BIN2: variants seen among roughly 807,000 people sequenced by gnomAD.
BIN2 encodes the protein breast cancer associated protein BRAP1.
A neutral mutation model predicts 67.9 loss-of-function variants in BIN2; 43 were observed. The ratio of observed to expected loss-of-function variants is 0.63; its 90% CI spans 0.50 to 0.82. The LOEUF (loss-of-function observed/expected upper bound fraction) is 0.82. Ranked by LOEUF, BIN2 falls within the 40% of genes least tolerant of loss-of-function variation. BIN2 has a pLI of 0.00. For missense variants in BIN2, 581 were observed against 671.6 expected, an observed-to-expected ratio of 0.87 and a Z score of 1.49; for synonymous variants, 244 against 246.8, an observed-to-expected ratio of 0.99 and a Z score of 0.11.
At chr12:51,314,022 T>A (rs1025252993) in intron 1 of BIN2, 119 bp from the exon 2 acceptor site, 2 of 47,324 alleles carry the variant, frequency 4.2e-5, no homozygotes, top group South Asian at 2.5e-3. Flanking sequence ...CTGTACTTAT[T>A]TATTTATTTA....
chr12:51,295,824 TA>T lies in BIN2; in HGVS notation c.732del (p.Asn244LysfsTer6), dbSNP rs768129226. The T allele has an allele frequency of 6.2e-7, 1 of 1,613,352 alleles. No homozygotes were observed. Among genetic ancestry groups the T allele is most frequent in the South Asian group, 1.1e-5 (1 of 91,040 alleles). On this transcript the variant is annotated frameshift_variant, in exon 9 of 13. Transcript: ENST00000615107. LOFTEE classifies it high-confidence loss of function. ...VMSKLEKQHS[N>X]KVFVVKGLSS... The stretch of plus-strand genomic sequence containing the variant: ...GACAGTCCCTTCACCACAAAGACTT[TA>T]TTGGAATGTTGCTTCTCCAGTTTGC...
At chr12:51,285,905 C>A (rs1339493904) in intron 11 of BIN2, among the ~76,000 whole-genome samples, 1 of 152,136 alleles carries the variant, frequency 6.6e-6, no homozygotes. Context: ...AGCCATGGCA[C>A]CTGGCCAACA....
chr12:51,302,741 T>C lies in BIN2; in HGVS notation c.257A>G (p.Gln86Arg). Reference sequence around the variant, plus strand: ...GTCCCACTCGCTGCTGTAGATCTCCTGCAGGGTTTCTGACACTCTTTTTGA... The same window carrying C: ...GTCCCACTCGCTGCTGTAGATCTCCCGCAGGGTTTCTGACACTCTTTTTGA... Reference protein sequence around the residue: ...ESSKRVSETLQEIYSSEWDGH... With the variant: ...ESSKRVSETLREIYSSEWDGH... Residue 86 changes from glutamine to arginine, a missense_variant, in exon 4 of 13, where the codon CAG becomes CGG. Physicochemically the swap from Gln to Arg is conservative, Grantham distance 43 (BLOSUM62 1). Transcript: ENST00000615107. The C allele has an allele frequency of 6.2e-7, 1 of 1,614,152 alleles. No individual in the cohort carries two copies. Among genetic ancestry groups the C allele is most frequent in the Non-Finnish European group, 8.5e-7 (1 of 1,179,964 alleles).
At chr12:51,307,007 G>A (rs761185497) in intron 2 of BIN2, among the ~76,000 whole-genome samples, 16 of 152,206 alleles carry the variant, frequency 1.1e-4, no homozygotes, top group Non-Finnish European at 1.9e-4. Flanking sequence ...AGGCTTGGCC[G>A]GGCACAGTGA....
chr12:51,320,796 T>C (rs1946250671), intron 1 of BIN2, among the ~76,000 whole-genome samples: 2 of 151,732 alleles, frequency 1.3e-5, no homozygotes, highest in Non-Finnish European at 1.5e-5. Flanking sequence ...TGAGTAGATG[T>C]CAACAGAGGA....
chr12:51,302,828 T>G (rs370511380), intron 3 of BIN2, 48 bp from the exon 4 acceptor site: 17 of 1,503,528 alleles, frequency 1.1e-5, no homozygotes, highest in Admixed American at 3.3e-5. Context: ...CCAACAGTAG[T>G]TGGTGTAATC....
intron 1 of BIN2, among the ~76,000 whole-genome samples, chr12:51,320,329 T>C (rs1946239112): frequency 6.6e-6 from 1 of 152,176 alleles, no homozygotes; most frequent in African/African-American, 2.4e-5. Flanking sequence ...CGGAAATCTT[T>C]ATTTTTAGGA....
Position 51,288,200 on chromosome 12 carries a change from A to G in BIN2, c.1516-12T>C, listed in dbSNP as rs1945290482. Reference sequence around the variant, plus strand: ...GGCTCTGAAGCAACCTGTGAATCAAAGTGAACAATGGAGGAGAGAGTCCCA... The same window carrying G: ...GGCTCTGAAGCAACCTGTGAATCAAGGTGAACAATGGAGGAGAGAGTCCCA... On this transcript the variant is annotated splice_polypyrimidine_tract_variant and intron_variant, in intron 10 of 12. Transcript: ENST00000615107. 1 of 1,611,980 alleles carries G rather than the reference A, an allele frequency of 6.2e-7. No individual in the cohort carries two copies. The highest frequency in any genetic ancestry group is 1.3e-5 in the African/African-American group (1 of 74,868).
In BIN2 at chr12:51,299,651, C is replaced by A; in HGVS notation, c.472G>T (p.Ala158Ser). The A allele has an allele frequency of 6.2e-7, 1 of 1,614,114 alleles. No individual in the cohort carries two copies. The highest frequency in any genetic ancestry group is 8.5e-7 in the Non-Finnish European group (1 of 1,180,032). The change falls in exon 6 of 13, where the codon GCA (alanine) becomes TCA (serine). Residue 158 changes from alanine (A) to serine (S), a missense_variant. Ala to Ser is a moderately conservative substitution (Grantham distance 99). Transcript: ENST00000615107. ...TCTTTCTTCTTGGCATTCTGCACTG[C>A]CTCCAGGTGGTGTCGGGCACTGTCA... The part of the protein sequence containing the change: ...DYDSARHHLE[A>S]VQNAKKKDEA...
At chr12:51,297,653 G>A (rs1411494586) in intron 7 of BIN2, among the ~76,000 whole-genome samples, 2 of 152,272 alleles carry the variant, frequency 1.3e-5, no homozygotes, top group East Asian at 1.9e-4. Context: ...AGGAACACAC[G>A]TGATTCTTAG....
chr12:51,296,878 T>G (rs73111045), intron 8 of BIN2, among the ~76,000 whole-genome samples: 1,592 of 152,304 alleles, frequency 0.01, 12 homozygotes, highest in Non-Finnish European at 0.016. Context: ...CTTACTCAGT[T>G]GTTAAGGGAG....
chr12:51,282,579 G>C (rs1945141162), intron 12 of BIN2, among the ~76,000 whole-genome samples: 1 of 152,000 alleles, frequency 6.6e-6, no homozygotes, highest in Non-Finnish European at 1.5e-5. Flanking sequence ...AATATACTAT[G>C]CTTTTAAAAA....
chr12:51,301,295 C>T (rs1206617418), intron 5 of BIN2, among the ~76,000 whole-genome samples: 1 of 152,062 alleles, frequency 6.6e-6, no homozygotes, highest in Non-Finnish European at 1.5e-5. Context: ...CTTTCTGGAA[C>T]AGAAAGCAGA....
chr12:51,301,945 T>C (rs1266111303), intron 5 of BIN2, 75 bp downstream of exon 5: 15 of 1,032,374 alleles, frequency 1.5e-5, no homozygotes, highest in Non-Finnish European at 2.3e-5. Context: ...ATTCTACTTA[T>C]AATGCTTAAC....
chr12:51,324,390 C>T, upstream of BIN2: 1 of 1,325,984 alleles, frequency 7.5e-7, no homozygotes, highest in Non-Finnish European at 9.9e-7. Context: ...TGAACCAGGT[C>T]CTCAGTGGTG....
upstream of BIN2, chr12:51,324,393 C>T (rs1946377917): frequency 2.2e-6 from 3 of 1,337,642 alleles, no homozygotes; most frequent in Non-Finnish European, 2.0e-6. Context: ...ACCAGGTCCT[C>T]AGTGGTGGGC....
chr12:51,292,413 C>T (rs1945413063), intron 9 of BIN2, 69 bp from the exon 10 acceptor site: 11 of 1,411,626 alleles, frequency 7.8e-6, no homozygotes, highest in East Asian at 6.9e-5. Flanking sequence ...GCAAAACTTA[C>T]GATGCATGTA....
chr12:51,303,491 C>T (rs905267234), intron 2 of BIN2, among the ~76,000 whole-genome samples: 2 of 152,148 alleles, frequency 1.3e-5, no homozygotes, highest in African/African-American at 4.8e-5. Context: ...AAAGTGCTAC[C>T]ATTTTCTGCA....
At chr12:51,322,672 C>T (rs754630822) in intron 1 of BIN2, 5 of 151,710 alleles carry the variant, frequency 3.3e-5, no homozygotes, top group African/African-American at 9.7e-5. Flanking sequence ...CACACTGTTT[C>T]GAGCTAGACC....
Sources: allele counts gnomAD v4.1 joint callset (sites outside exome capture counted in the v4.1 genomes callset), GRCh38; gene constraint gnomAD v4.1.1; transcripts MANE v1.5; gene names NCBI Gene and HGNC (gene_info 2026-07-23, HGNC 2026-07-21).